The following STXBP6 variants were observed in gnomAD, a reference collection of about 807,000 sequenced individuals.
STXBP6 encodes syntaxin-binding protein 6.
STXBP6 carries 21 observed loss-of-function variants against 26.9 expected under a neutral mutation model. The observed-to-expected ratio is 0.78, with a 90% CI of 0.55 to 1.12. The LOEUF is 1.12. Ranked by LOEUF, STXBP6 falls within the 50% of genes most tolerant of loss-of-function variation. STXBP6 has a pLI of 0.00. For missense variants in STXBP6, 232 were observed against 257.9 expected, an observed-to-expected ratio of 0.90 and a Z score of 0.69; for synonymous variants, 97 against 92.6, an observed-to-expected ratio of 1.05 and a Z score of -0.27.
At chr14:24,973,293 T>A (rs985001194) in intron 2 of STXBP6, among the ~76,000 whole-genome samples, 1 of 152,202 alleles carries the variant, frequency 6.6e-6, no homozygotes, top group South Asian at 2.1e-4. Context: ...CCAATTTTTT[T>A]ATTAACCTAA....
intron 1 of STXBP6, among the ~76,000 whole-genome samples, chr14:24,992,995 T>C (rs1473127455): frequency 2.6e-5 from 4 of 152,180 alleles, no homozygotes; most frequent in Non-Finnish European, 5.9e-5. Context: ...TCACAGTTGC[T>C]GCTTGGAACT....
intron 2 of STXBP6, among the ~76,000 whole-genome samples, chr14:24,874,146 T>C (rs1174630754): frequency 3.3e-5 from 5 of 152,148 alleles, no homozygotes; most frequent in Non-Finnish European, 7.4e-5. Flanking sequence ...TGCTTTTTCC[T>C]TGGAAAATTG....
At position 25,002,359 on chromosome 14, in the gene STXBP6, C is replaced by CTTTTTTTTTTCTTTTTTTCTTT. The variant is rs2074780760; in HGVS notation, c.-32-27510_-32-27509insAAAGAAAAAAAGAAAAAAAAAA. ...ATCCCATACAGTTAAATTCTTATGA[C>CTTTTTTTTTTCTTTTTTTCTTT]TTTTTTTTTTTTTTTTTTGAGACAC... On this transcript the variant is annotated intron_variant, in intron 1 of 5. Transcript: ENST00000323944. Among the ~76,000 whole-genome samples, 90 of 121,356 alleles carry CTTTTTTTTTTCTTTTTTTCTTT rather than the reference C, an allele frequency of 7.4e-4. 1 individual carries two copies. Among genetic ancestry groups the CTTTTTTTTTTCTTTTTTTCTTT allele is most frequent in the African/African-American group, 2.4e-3 (70 of 29,628 alleles). 79.6% of individuals were successfully genotyped at this position (121,356 alleles called of 152,430 possible).
At chr14:25,006,939 AG>A (rs2140358353) in intron 1 of STXBP6, among the ~76,000 whole-genome samples, 1 of 152,334 alleles carries the variant, frequency 6.6e-6, no homozygotes, top group South Asian at 2.1e-4. Flanking sequence ...ATGTGGACAC[AG>A]GGAAATGGCT....
At chr14:25,008,554 T>G (rs1271868632) in intron 1 of STXBP6, among the ~76,000 whole-genome samples, 1 of 152,206 alleles carries the variant, frequency 6.6e-6, no homozygotes, top group Non-Finnish European at 1.5e-5. Flanking sequence ...TCACTGAATG[T>G]TATAATTAAT....
intron 1 of STXBP6, among the ~76,000 whole-genome samples, chr14:25,043,503 A>G (rs1344896400): frequency 2.6e-5 from 4 of 152,178 alleles, no homozygotes; most frequent in African/African-American, 9.7e-5. Context: ...GCAACTCAGT[A>G]GTTTTCAGTG....
chr14:24,979,826 C>T (rs1184083597), intron 1 of STXBP6, among the ~76,000 whole-genome samples: 2 of 152,098 alleles, frequency 1.3e-5, no homozygotes, highest in African/African-American at 4.8e-5. Context: ...CTTCACCATC[C>T]CCGGCCTGAA....
rs185277593 is a variant in STXBP6 at position 24,932,146 on chromosome 14, T to C, written c.154+42519A>G. ...GATTTGGGCTGGGCACGGTGGCTCATGCCTGTAATCCCAGCACTTTGGGAG... is the reference window on the plus strand; with the variant it reads ...GATTTGGGCTGGGCACGGTGGCTCACGCCTGTAATCCCAGCACTTTGGGAG... On this transcript the variant is annotated intron_variant, in intron 2 of 5. Transcript: ENST00000323944. Among the ~76,000 whole-genome samples, 1,029 of 152,266 alleles carry C rather than the reference T, an allele frequency of 6.8e-3. 4 individuals are homozygous for C. The highest frequency in any genetic ancestry group is 0.024 in the Middle Eastern group (7 of 294).
At chr14:24,952,887 T>C (rs1260107185) in intron 2 of STXBP6, among the ~76,000 whole-genome samples, 1 of 152,218 alleles carries the variant, frequency 6.6e-6, no homozygotes, top group Non-Finnish European at 1.5e-5. Context: ...GAGAGTAAGA[T>C]ATCCCCAACC....
intron 2 of STXBP6, among the ~76,000 whole-genome samples, chr14:24,958,369 CT>C (rs1189805805): frequency 6.6e-6 from 1 of 152,104 alleles, no homozygotes; most frequent in African/African-American, 2.4e-5. Context: ...AACTCTCCCC[CT>C]GCTTGTGACC....
intron 2 of STXBP6, among the ~76,000 whole-genome samples, chr14:24,961,589 A>C (rs1281304939): frequency 2.0e-5 from 3 of 152,170 alleles, no homozygotes; most frequent in African/African-American, 7.2e-5. Flanking sequence ...TGAGAGCTAA[A>C]CAATGGGTAC....
intron 2 of STXBP6, among the ~76,000 whole-genome samples, chr14:24,921,710 A>G (rs2071984280): frequency 6.6e-6 from 1 of 152,136 alleles, no homozygotes. Context: ...GTATTGGGAA[A>G]GTCAGGCGGC....
At chr14:24,947,318 C>T (rs958425532) in intron 2 of STXBP6, among the ~76,000 whole-genome samples, 10 of 152,142 alleles carry the variant, frequency 6.6e-5, no homozygotes, top group African/African-American at 2.4e-4. Context: ...ATGGGAACAG[C>T]CCACAGAAGG....
intron 2 of STXBP6, among the ~76,000 whole-genome samples, chr14:24,892,399 A>T (rs1306362862): frequency 6.6e-6 from 1 of 152,182 alleles, no homozygotes; most frequent in Non-Finnish European, 1.5e-5. Flanking sequence ...ATTCTGCTTT[A>T]GAAATTTCAG....
chr14:24,865,483 T>G (rs1437563065), intron 2 of STXBP6, among the ~76,000 whole-genome samples: 2 of 152,124 alleles, frequency 1.3e-5, no homozygotes, highest in African/African-American at 4.8e-5. Flanking sequence ...CAGAGAAAAC[T>G]CTAGAGATCT....
chr14:24,876,640 G>A (rs528020674), intron 2 of STXBP6, among the ~76,000 whole-genome samples: 1 of 152,166 alleles, frequency 6.6e-6, no homozygotes, highest in Non-Finnish European at 1.5e-5. Context: ...AGAACACTGA[G>A]AATCTTACTT....
At chr14:24,821,009 T>G (rs2068118816) in intron 4 of STXBP6, among the ~76,000 whole-genome samples, 1 of 152,206 alleles carries the variant, frequency 6.6e-6, no homozygotes, top group Non-Finnish European at 1.5e-5. Flanking sequence ...AAGGTACTCC[T>G]CTTGGTAAAT....
Position 25,049,280 on chromosome 14 carries a change from C to G in STXBP6, c.-33+598G>C. On this transcript the variant is annotated intron_variant, in intron 1 of 5. Transcript: ENST00000323944. This position sits in a 1 kb window ranked among gnomAD's most constrained non-coding sequence, Gnocchi z 5.6. ...GTGCACGGCAAGCGCGAATTCGGAACCTGGCGCCCTTGACCAAGCCTGAGA... is the reference window on the plus strand; with the variant it reads ...GTGCACGGCAAGCGCGAATTCGGAAGCTGGCGCCCTTGACCAAGCCTGAGA... 1 of 985,464 alleles carries G rather than the reference C, an allele frequency of 1.0e-6. No individual in the cohort carries two copies. The highest frequency in any genetic ancestry group is 1.2e-6 in the Non-Finnish European group (1 of 829,946). The allele number at this position is 985,464 out of a possible 1,614,324, so 61.0% of individuals were successfully genotyped here. A position where few individuals can be genotyped will look rare whatever the true frequency, so the allele number is the denominator to read the frequency against.
At chr14:25,003,705 TACAGC>T (rs2074821725) in intron 1 of STXBP6, among the ~76,000 whole-genome samples, 1 of 151,736 alleles carries the variant, frequency 6.6e-6, no homozygotes, top group Non-Finnish European at 1.5e-5. Flanking sequence ...ACTACACTGA[TACAGC>T]AACCACTTAG....
Sources: allele counts gnomAD v4.1 joint callset (sites outside exome capture counted in the v4.1 genomes callset), GRCh38; gene constraint gnomAD v4.1.1; non-coding constraint Gnocchi (gnomAD v3.1); transcripts MANE v1.5; gene names NCBI Gene and HGNC (gene_info 2026-07-23, HGNC 2026-07-21).